The following IRAG1 variants were observed in gnomAD, a reference collection of about 807,000 sequenced individuals.
The protein encoded by IRAG1 is IP3R-associated cGMP kinase substrate.
A neutral mutation model predicts 106.2 loss-of-function variants in IRAG1; 62 were observed. That is an observed-to-expected ratio of 0.58 (90% confidence interval 0.48 to 0.72). IRAG1 has a LOEUF of 0.72. Ranked by LOEUF, IRAG1 falls within the 30% of genes least tolerant of loss-of-function variation. The pLI is 0.00. For synonymous variants in IRAG1, 462 were observed against 443.9 expected (o/e 1.04, Z -0.51); for missense variants, 1,064 against 1,140.7 (o/e 0.93, Z 0.97).
intron 10 of IRAG1, among the ~76,000 whole-genome samples, chr11:10,616,134 G>A (rs1164537144): frequency 6.7e-6 from 1 of 150,226 alleles, no homozygotes; most frequent in African/African-American, 2.4e-5. Flanking sequence ...TGAAACCCTA[G>A]CTCTACTAAA....
chr11:10,635,930 G>C (rs942482579), intron 2 of IRAG1, among the ~76,000 whole-genome samples: 1 of 152,178 alleles, frequency 6.6e-6, no homozygotes, highest in Non-Finnish European at 1.5e-5. Flanking sequence ...GAAAGCTACA[G>C]TGGCTGAAGG....
intron 1 of IRAG1, among the ~76,000 whole-genome samples, chr11:10,691,005 A>T (rs1262581367): frequency 6.6e-6 from 1 of 152,036 alleles, no homozygotes; most frequent in Non-Finnish European, 1.5e-5. Context: ...TCAGCAAACA[A>T]TCCCTCTGCT....
intron 20 of IRAG1, among the ~76,000 whole-genome samples, chr11:10,579,659 C>G (rs778376378): frequency 7.9e-5 from 12 of 152,012 alleles, no homozygotes; most frequent in Non-Finnish European, 1.5e-4. Flanking sequence ...TATCCCTAAG[C>G]GTGAACTTCT....
At chr11:10,615,559 T>G (rs1413072303) in intron 10 of IRAG1, among the ~76,000 whole-genome samples, 1 of 152,104 alleles carries the variant, frequency 6.6e-6, no homozygotes, top group Non-Finnish European at 1.5e-5. Flanking sequence ...TAGACTGGAT[T>G]AAGAAAATGT....
intron 1 of IRAG1, among the ~76,000 whole-genome samples, chr11:10,673,063 A>G (rs1403953193): frequency 6.6e-6 from 1 of 152,134 alleles, no homozygotes; most frequent in Non-Finnish European, 1.5e-5. Context: ...CGGGCGAATC[A>G]CTTGAGGTCA....
chr11:10,675,957 C>T (rs965018182), intron 1 of IRAG1, among the ~76,000 whole-genome samples: 6 of 152,210 alleles, frequency 3.9e-5, no homozygotes, highest in African/African-American at 1.4e-4. Flanking sequence ...AGGAACAAGC[C>T]TCTCCCCTGC....
At chr11:10,668,617 C>CT (rs1859974185) in intron 1 of IRAG1, among the ~76,000 whole-genome samples, 2 of 152,298 alleles carry the variant, frequency 1.3e-5, no homozygotes, top group South Asian at 4.1e-4. Flanking sequence ...TACTAGCTGC[C>CT]TTTTTTCAGA....
Position 10,632,031 on chromosome 11 carries a change from G to C in IRAG1, c.360C>G (p.His120Gln). ...RVHSPHKRLS[H>Q]RHLKVSTASL... is the part of the protein sequence containing the mutation. ...AGGCAGTGGACACCTTCAAGTGTCG[G>C]TGAGAAAGCCTCTTGTGGGGACTGT... Residue 120 changes from histidine to glutamine, a missense_variant, in exon 4 of 21, where the codon CAC becomes CAG. Coordinates refer to ENST00000423302, the MANE Select transcript of IRAG1 (RefSeq NM_130385.4). The C allele has an allele frequency of 6.2e-7, 1 of 1,613,882 alleles. No individual in the cohort carries two copies.
Position 10,633,959 on chromosome 11 carries a change from C to G in IRAG1, c.329+9G>C. The G allele has an allele frequency of 6.4e-7, 1 of 1,568,036 alleles. No homozygotes were observed. The highest frequency in any genetic ancestry group is 8.8e-7 in the Non-Finnish European group (1 of 1,140,700). On this transcript the variant is annotated intron_variant, in intron 3 of 20. Coordinates refer to ENST00000423302, the MANE Select transcript of IRAG1 (RefSeq NM_130385.4). Reference sequence around the variant, plus strand: ...TGTTTGTCACAATGCAAGGATCAGGCACCTGTACCTGTTGGCCAGGTTTTT... The same window carrying G: ...TGTTTGTCACAATGCAAGGATCAGGGACCTGTACCTGTTGGCCAGGTTTTT...
chr11:10,640,295 A>C (rs1191266415), intron 2 of IRAG1, among the ~76,000 whole-genome samples: 1 of 152,226 alleles, frequency 6.6e-6, no homozygotes, highest in East Asian at 1.9e-4. Context: ...AGTGCCAAGC[A>C]GGTAACCGCA....
intron 10 of IRAG1, 83 bp downstream of exon 10, chr11:10,623,694 CT>C: frequency 8.0e-7 from 1 of 1,255,766 alleles, no homozygotes; most frequent in Non-Finnish European, 1.2e-6. Flanking sequence ...CACAGGAAGT[CT>C]TGTGTTTACA....
chr11:10,639,947 T>C (rs1343590047), intron 2 of IRAG1, among the ~76,000 whole-genome samples: 2 of 152,198 alleles, frequency 1.3e-5, no homozygotes, highest in East Asian at 3.8e-4. Context: ...CAAACATTTA[T>C]TGAATGCCTA....
At chr11:10,603,015 G>A in intron 14 of IRAG1, 105 bp downstream of exon 14, 3 of 1,364,002 alleles carry the variant, frequency 2.2e-6, no homozygotes, top group South Asian at 2.8e-5. Flanking sequence ...CTGGCCCAGA[G>A]GAAGCCACCT....
intron 1 of IRAG1, among the ~76,000 whole-genome samples, chr11:10,653,382 T>C (rs1176547461): frequency 6.6e-6 from 1 of 152,228 alleles, no homozygotes. Flanking sequence ...GTTGGGTTTT[T>C]GTTCCTTGTA....
chr11:10,621,079 T>C (rs897558258), intron 10 of IRAG1, among the ~76,000 whole-genome samples: 5 of 152,208 alleles, frequency 3.3e-5, no homozygotes, highest in Admixed American at 2.0e-4. Context: ...TCAGAATTGA[T>C]GGGGTTGTGG....
intron 2 of IRAG1, among the ~76,000 whole-genome samples, chr11:10,634,794 C>T (rs78138105): frequency 0.057 from 5,094 of 88,954 alleles, 255 homozygotes; most frequent in African/African-American, 0.17. Context: ...TGTATACAGA[C>T]ACAATATTTT....
At position 10,659,847 on chromosome 11, in the gene IRAG1, A is replaced by C. The variant is rs777363293; in HGVS notation, c.68-7665T>G. Among the ~76,000 whole-genome samples, 3 of 151,954 alleles carry C rather than the reference A, an allele frequency of 2.0e-5. No individual in the cohort carries two copies. Among genetic ancestry groups the C allele is most frequent in the Non-Finnish European group, 2.9e-5 (2 of 67,990 alleles). On this transcript the variant is annotated intron_variant, in intron 1 of 20. Transcript: ENST00000423302. The surrounding 1 kb of genome is among the most constrained non-coding windows in gnomAD (Gnocchi z 4.1). ...CCCATTTAGCGCCTAGCAGATATAA[A>C]TCTTGCCCAGTTCTGTTTGTTCCAG... is the stretch of plus-strand genomic sequence containing the variant.
intron 20 of IRAG1, among the ~76,000 whole-genome samples, chr11:10,579,903 C>T (rs937602015): frequency 6.6e-6 from 1 of 152,150 alleles, no homozygotes; most frequent in Non-Finnish European, 1.5e-5. Flanking sequence ...AAAGAAAACC[C>T]CAAGTATTTC....
At chr11:10,677,844 C>T (rs570227376) in intron 1 of IRAG1, among the ~76,000 whole-genome samples, 4 of 152,322 alleles carry the variant, frequency 2.6e-5, no homozygotes, top group Admixed American at 1.3e-4. Context: ...TGGCTTTAAC[C>T]GGTTCTGGAT....
Sources: allele counts gnomAD v4.1 joint callset (sites outside exome capture counted in the v4.1 genomes callset), GRCh38; gene constraint gnomAD v4.1.1; non-coding constraint Gnocchi (gnomAD v3.1); transcripts MANE v1.5; gene names NCBI Gene and HGNC (gene_info 2026-07-23, HGNC 2026-07-21).